Variants in CDK17 observed in about 807,000 individuals in gnomAD.
The protein encoded by CDK17 is cyclin dependent kinase 17, also known as cyclin-dependent kinase 17.
CDK17 carries 24 observed loss-of-function variants against 77.6 expected under a neutral mutation model. The ratio of observed to expected loss-of-function variants is 0.31; its 90% CI spans 0.22 to 0.44. The LOEUF (loss-of-function observed/expected upper bound fraction) is 0.44. CDK17 is among the 20% of genes least tolerant of loss of function. The probability of loss-of-function intolerance (pLI) is 1.00; values close to 1 mark genes in which losing one functional copy is unlikely to be tolerated. For synonymous variants in CDK17, 203 were observed against 210.4 expected, an observed-to-expected ratio of 0.96 and a Z score of 0.30; for missense variants, 429 against 622.5, an observed-to-expected ratio of 0.69 and a Z score of 3.31.
chr12:96,298,878 T>C lies in CDK17; in HGVS notation c.706A>G (p.Ile236Val). The stretch of plus-strand genomic sequence containing the variant: ...TGTATAATTATTATACCTTCTCTTA[T>C]AGCTGTGCAGGGTGCACCTTCTTCA... Reference protein sequence around the residue: ...EHEEGAPCTAIREVSLLKDLK... With the variant: ...EHEEGAPCTAVREVSLLKDLK... The change falls in exon 7 of 17, where the codon ATA becomes GTA. Residue 236 changes from isoleucine to valine, a missense_variant. Physicochemically the swap from Ile to Val is conservative, Grantham distance 29 (BLOSUM62 3). Transcript: ENST00000261211. 1 of 1,556,896 alleles carries C rather than the reference T, an allele frequency of 6.4e-7. No individual in the cohort carries two copies. Among genetic ancestry groups the C allele is most frequent in the Non-Finnish European group, 8.8e-7 (1 of 1,133,106 alleles).
intron 2 of CDK17, among the ~76,000 whole-genome samples, chr12:96,332,506 C>G (rs867159606): frequency 6.6e-6 from 1 of 152,180 alleles, no homozygotes; most frequent in South Asian, 2.1e-4. Context: ...AGCTTTTATA[C>G]TCTAAAATAT....
chr12:96,291,628 C>CTTTT (rs1164677307), intron 10 of CDK17, among the ~76,000 whole-genome samples: 15 of 117,772 alleles, frequency 1.3e-4, no homozygotes, highest in Non-Finnish European at 2.0e-4. Flanking sequence ...ATTCCTTTTG[C>CTTTT]TTTTTTTTTT....
At chr12:96,365,105 A>C (rs1953561559) in intron 1 of CDK17, among the ~76,000 whole-genome samples, 1 of 152,194 alleles carries the variant, frequency 6.6e-6, no homozygotes, top group African/African-American at 2.4e-5. Context: ...AATTGTCCTT[A>C]AATATATATT....
At chr12:96,356,190 C>T (rs1024687230) in intron 1 of CDK17, among the ~76,000 whole-genome samples, 1 of 152,072 alleles carries the variant, frequency 6.6e-6, no homozygotes, top group African/African-American at 2.4e-5. Context: ...AGGATAATAA[C>T]GATGAATGTT....
intron 3 of CDK17, among the ~76,000 whole-genome samples, chr12:96,323,733 C>T (rs1952856163): frequency 6.6e-6 from 1 of 152,158 alleles, no homozygotes; most frequent in African/African-American, 2.4e-5. Context: ...GTTTCATTTC[C>T]CTCCTGATGG....
intron 1 of CDK17, among the ~76,000 whole-genome samples, chr12:96,358,370 TAAAAAAAA>T (rs35899533): frequency 9.7e-4 from 34 of 35,182 alleles, no homozygotes; most frequent in African/African-American, 3.2e-3. Context: ...TGCAAACTTG[TAAAAAAAA>T]AAAAAAAAAA....
At chr12:96,308,730 A>AT (rs1170727269) in intron 5 of CDK17, among the ~76,000 whole-genome samples, 26 of 132,384 alleles carry the variant, frequency 2.0e-4, no homozygotes, top group South Asian at 4.8e-4. Flanking sequence ...TCCGTCTCCA[A>AT]AAATAATAAT....
At chr12:96,369,432 T>C (rs1047791488) in intron 1 of CDK17, among the ~76,000 whole-genome samples, 8 of 152,220 alleles carry the variant, frequency 5.3e-5, no homozygotes, top group African/African-American at 1.9e-4. Context: ...CCCATCCAGT[T>C]ATTAATAATG....
intron 1 of CDK17, among the ~76,000 whole-genome samples, chr12:96,341,353 T>A (rs945900363): frequency 7.6e-5 from 11 of 144,812 alleles, no homozygotes; most frequent in Non-Finnish European, 1.2e-4. Flanking sequence ...ACGTCTCATA[T>A]ATGTACGTGT....
chr12:96,330,627 T>C (rs1036545429), intron 2 of CDK17, among the ~76,000 whole-genome samples: 3 of 152,234 alleles, frequency 2.0e-5, no homozygotes, highest in African/African-American at 7.2e-5. Context: ...TAGAGTATTT[T>C]GGGTCTGGCT....
chr12:96,395,065 C>G (rs10777792), intron 1 of CDK17, among the ~76,000 whole-genome samples: 129,850 of 151,964 alleles, frequency 0.85, 55,554 homozygotes, highest in African/African-American at 0.87. Flanking sequence ...TAGTAGAGAC[C>G]GGGTTTCACC....
chr12:96,306,435 T>C (rs1472985702), intron 5 of CDK17, among the ~76,000 whole-genome samples: 1 of 151,558 alleles, frequency 6.6e-6, no homozygotes, highest in African/African-American at 2.4e-5. Flanking sequence ...AAATTATATA[T>C]ATATATGAGA....
intron 3 of CDK17, among the ~76,000 whole-genome samples, chr12:96,315,058 T>C (rs1047906917): frequency 4.6e-5 from 7 of 152,202 alleles, no homozygotes; most frequent in Non-Finnish European, 8.8e-5. Context: ...AGAAGGTGCT[T>C]AACAAGTATT....
At chr12:96,288,166 T>TG (rs1283001538) in intron 11 of CDK17, among the ~76,000 whole-genome samples, 7 of 152,156 alleles carry the variant, frequency 4.6e-5, no homozygotes, top group African/African-American at 1.7e-4. Context: ...ACACTTAAAT[T>TG]GGTTAAAATG....
At chr12:96,395,254 T>C (rs1347618847) in intron 1 of CDK17, among the ~76,000 whole-genome samples, 1 of 152,272 alleles carries the variant, frequency 6.6e-6, no homozygotes, top group Non-Finnish European at 1.5e-5. Context: ...ATATTTTATA[T>C]ACTGCAATCT....
At chr12:96,392,317 G>A (rs552368934) in intron 1 of CDK17, among the ~76,000 whole-genome samples, 13 of 152,220 alleles carry the variant, frequency 8.5e-5, no homozygotes, top group South Asian at 6.2e-4. Context: ...CTACCATAGT[G>A]TCTAGTACAG....
intron 16 of CDK17, chr12:96,280,545 A>G: frequency 7.1e-7 from 1 of 1,412,984 alleles, no homozygotes; most frequent in Non-Finnish European, 9.2e-7. Context: ...TGATCAAGCC[A>G]GGTCACTTGT....
At chr12:96,377,929 G>A (rs970724396) in intron 1 of CDK17, among the ~76,000 whole-genome samples, 5 of 152,106 alleles carry the variant, frequency 3.3e-5, no homozygotes, top group South Asian at 2.1e-4. Context: ...TCCTGACCTC[G>A]TGATCCGCCC....
chr12:96,338,815 A>G (rs186134678), intron 1 of CDK17, among the ~76,000 whole-genome samples: 17 of 152,054 alleles, frequency 1.1e-4, no homozygotes, highest in African/African-American at 3.1e-4. Context: ...AATACACATA[A>G]CAAAATTCAC....
Sources: gnomAD v4.1 joint callset for allele counts (sites outside exome capture counted in the v4.1 genomes callset) on GRCh38, gnomAD v4.1.1 for gene constraint, MANE v1.5 for transcripts, NCBI Gene and HGNC (gene_info 2026-07-23, HGNC 2026-07-21) for gene names.